RASAL1: variants seen among roughly 807,000 people sequenced by gnomAD.
RASAL1 encodes rasGAP-activating-like protein 1.
A neutral mutation model predicts 96.6 loss-of-function variants in RASAL1; 72 were observed. That is an observed-to-expected ratio of 0.75 (90% CI 0.62 to 0.91). The LOEUF is 0.91. RASAL1 is among the 40% of genes least tolerant of loss of function. The pLI, the probability that RASAL1 is intolerant of heterozygous loss-of-function variation, is 0.00. For synonymous variants in RASAL1, 405 were observed against 430.4 expected (o/e 0.94, Z 0.73); for missense variants, 1,016 against 1,072.5 (o/e 0.95, Z 0.74).
chr12:113,133,727 C>T (rs1451179163), intron 1 of RASAL1, among the ~76,000 whole-genome samples: 1 of 152,210 alleles, frequency 6.6e-6, no homozygotes, highest in Admixed American at 6.5e-5. Context: ...AGGGTGCTGA[C>T]AGCTAGGGAA....
At chr12:113,102,262 A>T (rs1454087654) in intron 18 of RASAL1, among the ~76,000 whole-genome samples, 3 of 152,156 alleles carry the variant, frequency 2.0e-5, no homozygotes, top group Non-Finnish European at 4.4e-5. Context: ...CAAATAATTT[A>T]AAAATTACCC....
At position 113,115,320 on chromosome 12, in the gene RASAL1, C is replaced by T. The variant is rs1951034280; in HGVS notation, c.1004-56G>A. The T allele has an allele frequency of 6.8e-7, 1 of 1,477,768 alleles. No individual in the cohort carries two copies. The highest frequency in any genetic ancestry group is 1.4e-5 in the African/African-American group (1 of 72,128). 91.5% of individuals were successfully genotyped at this position (1,477,768 alleles called of 1,614,324 possible). On this transcript the variant is annotated intron_variant, in intron 10 of 20. Coordinates refer to ENST00000548055, the MANE Select transcript of RASAL1 (RefSeq NM_001301202.2). The surrounding 1 kb of genome is among the most constrained non-coding windows in gnomAD (Gnocchi z 4.1). ...ATTTAGGGAGCTGAACCCAGCTCAC[C>T]CCACTCACCCAAGGTGGGAGTCATG...
At chr12:113,118,664 G>C (rs1216034812) in intron 7 of RASAL1, among the ~76,000 whole-genome samples, 1 of 152,164 alleles carries the variant, frequency 6.6e-6, no homozygotes, top group Non-Finnish European at 1.5e-5. Context: ...GTTAAGTCTG[G>C]AGTCAAAGAG....
intron 16 of RASAL1, among the ~76,000 whole-genome samples, 178 bp from the exon 17 acceptor site, chr12:113,104,476 G>GC (rs1321932626): frequency 6.6e-6 from 1 of 152,076 alleles, no homozygotes; most frequent in African/African-American, 2.4e-5. Context: ...CATGAGTCCT[G>GC]CCCTATCCCC....
chr12:113,125,967 T>TC (rs1283379082), intron 4 of RASAL1, among the ~76,000 whole-genome samples: 6 of 152,290 alleles, frequency 3.9e-5, no homozygotes, highest in Admixed American at 3.3e-4. Context: ...TAGGAAGATC[T>TC]CAGAGATACT....
Position 113,107,229 on chromosome 12 carries a change from T to A in RASAL1, c.1525A>T (p.Ile509Phe). 3.7e-6 allele frequency: 6 copies of A among 1,608,878 alleles called. No homozygotes were observed. The highest frequency in any genetic ancestry group is 5.1e-6 in the Non-Finnish European group (6 of 1,177,234). The change falls in exon 15 of 21, where the codon ATT (isoleucine) becomes TTT (phenylalanine). Residue 509 changes from isoleucine to phenylalanine, a missense_variant. By Grantham distance (21) the Ile-to-Phe change is conservative. Coordinates refer to ENST00000548055, the MANE Select transcript of RASAL1 (RefSeq NM_001301202.2). ...CCCAGCTGCTGGCCCAGGTTTCCAA[T>A]GCTCTGCACAGCCTGGAGCAAAGAA... is the stretch of plus-strand genomic sequence containing the variant. ...LLLLAKAVQS[I>F]GNLGQQLGQG...
At chr12:113,131,629 A>G (rs539180705) in intron 1 of RASAL1, among the ~76,000 whole-genome samples, 1 of 152,262 alleles carries the variant, frequency 6.6e-6, no homozygotes, top group African/African-American at 2.4e-5. Flanking sequence ...CCCCTTAAGT[A>G]GCTATGAGTC....
Position 113,119,455 on chromosome 12 carries a change from TG to T in RASAL1, c.429-13del. ...TGGGAGCCAGGTCCCTGGGAACAGA[TG>T]GGGAAAGGAGTGAGGAAACACGGCA... On this transcript the variant is annotated splice_polypyrimidine_tract_variant and intron_variant, in intron 5 of 20. Coordinates refer to ENST00000548055, the MANE Select transcript of RASAL1 (RefSeq NM_001301202.2). 6.3e-7 allele frequency: 1 copy of T among 1,596,984 alleles called. No individual in the cohort carries two copies. Among genetic ancestry groups the T allele is most frequent in the Non-Finnish European group, 8.5e-7 (1 of 1,169,892 alleles).
At position 113,117,148 on chromosome 12, in the gene RASAL1, G is replaced by C. The variant is rs771387920; in HGVS notation, c.656C>G (p.Pro219Arg). The C allele has an allele frequency of 3.1e-6, 5 of 1,601,560 alleles. No homozygotes were observed. The East Asian group carries it at 1.1e-4, about 36-fold the overall frequency. The change falls in exon 8 of 21, where the codon CCA becomes CGA. Residue 219 changes from proline (P) to arginine (R), a missense_variant. Transcript: ENST00000548055. ...NDFLGMVEFS[P>R]KTLQQKPPKG... ...AGGTGGCTTCTGCTGGAGGGTCTTT[G>C]GAGAGAACTCCACCTTTTGAGAGAG...
At chr12:113,108,252 C>T (rs1950721815) in intron 13 of RASAL1, 30 bp from the exon 14 acceptor site, 1 of 1,589,640 alleles carries the variant, frequency 6.3e-7, no homozygotes, top group Non-Finnish European at 8.5e-7. Flanking sequence ...GTAAGAGGAG[C>T]CCCCCAAACC....
At chr12:113,118,392 C>T (rs1282164819) in intron 7 of RASAL1, among the ~76,000 whole-genome samples, 1 of 152,156 alleles carries the variant, frequency 6.6e-6, no homozygotes, top group South Asian at 2.1e-4. Context: ...CGATAGACCA[C>T]ATTTTGTTTA....
In RASAL1 at chr12:113,112,095, G is replaced by GGCCTGGGGGAAGCGCTCCTCCACTC; in HGVS notation, c.1340_1364dup (p.Glu456SerfsTer38). The GGCCTGGGGGAAGCGCTCCTCCACTC allele has an allele frequency of 4.8e-6, 6 of 1,241,730 alleles. No homozygotes were observed. The highest frequency in any genetic ancestry group is 6.1e-6 in the Non-Finnish European group (6 of 989,494). The allele number at this position is 1,241,730 out of a possible 1,614,324, so 76.9% of individuals were successfully genotyped here. A position where few individuals can be genotyped will look rare whatever the true frequency, so the allele number is the denominator to read the frequency against. On this transcript the variant is annotated frameshift_variant, in exon 13 of 21. Coordinates refer to ENST00000548055, the MANE Select transcript of RASAL1 (RefSeq NM_001301202.2). LOFTEE classifies it high-confidence loss of function. ...TCCCATCCTGGCGCACCTGGTGCTC[G>GGCCTGGGGGAAGCGCTCCTCCACTC]GCCTGGGGGAAGCGCTCCTCCACTC...
upstream of RASAL1, chr12:113,135,886 G>C (rs1049006180): frequency 1.7e-5 from 3 of 178,872 alleles, no homozygotes; most frequent in Non-Finnish European, 3.5e-5. The surrounding 1 kb of genome is among the most constrained non-coding windows in gnomAD (Gnocchi z 5.7). Flanking sequence ...GCGCCAGAGC[G>C]CACGGGCGGC....
At chr12:113,120,789 G>T (rs1339564436) in intron 5 of RASAL1, among the ~76,000 whole-genome samples, 1 of 152,056 alleles carries the variant, frequency 6.6e-6, no homozygotes, top group Non-Finnish European at 1.5e-5. Context: ...TTTTCTTTGG[G>T]ACAGGACCTA....
intron 18 of RASAL1, among the ~76,000 whole-genome samples, chr12:113,102,298 C>T (rs1299768908): frequency 6.6e-6 from 1 of 152,234 alleles, no homozygotes; most frequent in Non-Finnish European, 1.5e-5. Flanking sequence ...TGGCTCACGC[C>T]TGTAATCCCA....
At chr12:113,117,200 G>A (rs1566056813) in intron 7 of RASAL1, 39 bp from the exon 8 acceptor site, 15 of 1,467,718 alleles carry the variant, frequency 1.0e-5, no homozygotes, top group Middle Eastern at 1.7e-4. Context: ...CCGGGCCCTG[G>A]CCTGCCCTGC....
intron 4 of RASAL1, among the ~76,000 whole-genome samples, chr12:113,126,077 G>T (rs1025223603): frequency 3.3e-5 from 5 of 152,156 alleles, no homozygotes; most frequent in Admixed American, 2.0e-4. Flanking sequence ...TCGAAGTCAA[G>T]AGTTCGAGAC....
At chr12:113,112,375 C>T in intron 12 of RASAL1, 97 bp from the exon 13 acceptor site, 2 of 978,590 alleles carry the variant, frequency 2.0e-6, no homozygotes, top group East Asian at 6.6e-5. Flanking sequence ...GACTCATCTT[C>T]CCTCCACGTC....
intron 13 of RASAL1, among the ~76,000 whole-genome samples, chr12:113,108,948 C>T (rs1950753107): frequency 6.6e-6 from 1 of 151,516 alleles, no homozygotes; most frequent in Non-Finnish European, 1.5e-5. Flanking sequence ...GATTCTAGTG[C>T]CTCAGCCTCC....
Sources: gnomAD v4.1 joint callset for allele counts (sites outside exome capture counted in the v4.1 genomes callset) on GRCh38, gnomAD v4.1.1 for gene constraint, Gnocchi (gnomAD v3.1) non-coding constraint, MANE v1.5 for transcripts, NCBI Gene and HGNC (gene_info 2026-07-23, HGNC 2026-07-21) for gene names.